The following ANKS1B variants were observed in gnomAD, a reference collection of about 807,000 sequenced individuals.
ANKS1B encodes the protein ankyrin repeat and sterile alpha motif domain-containing protein 1B.
A neutral mutation model predicts 148.3 loss-of-function variants in ANKS1B; 36 were observed. The observed-to-expected ratio is 0.24, with a 90% CI of 0.19 to 0.32. The LOEUF is 0.32. ANKS1B is among the 10% of genes least tolerant of loss of function. ANKS1B has a pLI of 1.00. For synonymous variants in ANKS1B, 542 were observed against 560.8 expected (o/e 0.97, Z 0.47); for missense variants, 1,157 against 1,542.6 (o/e 0.75, Z 4.19).
chr12:99,249,638 A>G (rs2074310636), intron 12 of ANKS1B, among the ~76,000 whole-genome samples: 1 of 152,226 alleles, frequency 6.6e-6, no homozygotes, highest in African/African-American at 2.4e-5. Flanking sequence ...AGCCTCCTGG[A>G]AAGCCTGTGT....
At chr12:99,782,638 T>C (rs188130455) in intron 4 of ANKS1B, among the ~76,000 whole-genome samples, 9 of 152,290 alleles carry the variant, frequency 5.9e-5, no homozygotes, top group African/African-American at 2.2e-4. Flanking sequence ...TCCTTAAGTA[T>C]AAAATAAGAG....
intron 1 of ANKS1B, among the ~76,000 whole-genome samples, chr12:99,967,394 C>T (rs2095497843): frequency 6.6e-6 from 1 of 152,152 alleles, no homozygotes; most frequent in African/African-American, 2.4e-5. Context: ...TGCATTCAAA[C>T]TCAAGACTCG....
intron 1 of ANKS1B, among the ~76,000 whole-genome samples, chr12:99,868,444 C>T (rs2091040543): frequency 6.6e-6 from 1 of 152,116 alleles, no homozygotes; most frequent in Non-Finnish European, 1.5e-5. Context: ...GCCACTAACA[C>T]CATTGTTCTT....
At chr12:99,364,346 C>T (rs1265440986) in intron 12 of ANKS1B, among the ~76,000 whole-genome samples, 1 of 152,094 alleles carries the variant, frequency 6.6e-6, no homozygotes, top group Non-Finnish European at 1.5e-5. Context: ...CTGATTACTG[C>T]CTATTTCTGT....
intron 12 of ANKS1B, among the ~76,000 whole-genome samples, chr12:99,389,596 T>C (rs1228458961): frequency 6.6e-6 from 1 of 152,116 alleles, no homozygotes; most frequent in African/African-American, 2.4e-5. Flanking sequence ...TTTCAAGAGA[T>C]ATAAACATCC....
chr12:99,916,948 T>C (rs2094190098), intron 1 of ANKS1B, among the ~76,000 whole-genome samples: 1 of 152,248 alleles, frequency 6.6e-6, no homozygotes, highest in African/African-American at 2.4e-5. Flanking sequence ...GTAATAACTG[T>C]AGTTTTATAT....
chr12:99,533,526 C>T (rs1426581560), intron 9 of ANKS1B, among the ~76,000 whole-genome samples: 2 of 152,116 alleles, frequency 1.3e-5, no homozygotes, highest in Admixed American at 6.6e-5. Context: ...GATGTTCTTT[C>T]TTTCTCTTGC....
At chr12:99,752,148 T>A (rs922435815) in intron 8 of ANKS1B, among the ~76,000 whole-genome samples, 1 of 152,018 alleles carries the variant, frequency 6.6e-6, no homozygotes, top group African/African-American at 2.4e-5. Context: ...GCCTTTCACC[T>A]CATATTCAAA....
intron 22 of ANKS1B, among the ~76,000 whole-genome samples, chr12:98,788,458 G>A (rs2098818076): frequency 6.6e-6 from 1 of 152,100 alleles, no homozygotes; most frequent in African/African-American, 2.4e-5. Context: ...GTTCTCATCT[G>A]TCATTAATGA....
chr12:98,912,856 C>T (rs909535394), intron 17 of ANKS1B, among the ~76,000 whole-genome samples: 1 of 152,160 alleles, frequency 6.6e-6, no homozygotes, highest in African/African-American at 2.4e-5. Context: ...CTTAATTTTT[C>T]CTTGTGACCT....
intron 17 of ANKS1B, among the ~76,000 whole-genome samples, chr12:99,011,596 A>G (rs538749015): frequency 6.6e-6 from 1 of 152,354 alleles, no homozygotes; most frequent in Non-Finnish European, 1.5e-5. Flanking sequence ...TCAATAGCCA[A>G]GAACATGCTA....
intron 10 of ANKS1B, among the ~76,000 whole-genome samples, chr12:99,457,689 T>C (rs938992877): frequency 1.1e-4 from 17 of 152,104 alleles, no homozygotes; most frequent in Non-Finnish European, 2.1e-4. Flanking sequence ...AAGAAGGACA[T>C]ACATAATGAT....
intron 17 of ANKS1B, among the ~76,000 whole-genome samples, chr12:99,031,863 G>T (rs1282091205): frequency 6.6e-6 from 1 of 152,206 alleles, no homozygotes; most frequent in Non-Finnish European, 1.5e-5. Context: ...TTGGTCACTT[G>T]AAGCTAAAAG....
intron 10 of ANKS1B, among the ~76,000 whole-genome samples, chr12:99,471,768 AT>A (rs2096246550): frequency 6.6e-6 from 1 of 152,136 alleles, no homozygotes; most frequent in Non-Finnish European, 1.5e-5. Context: ...ACTCTTCCAA[AT>A]ATACTTAAAA....
At chr12:99,003,804 C>T (rs1168411788) in intron 17 of ANKS1B, among the ~76,000 whole-genome samples, 1 of 152,160 alleles carries the variant, frequency 6.6e-6, no homozygotes, top group Non-Finnish European at 1.5e-5. Flanking sequence ...GGCACATATA[C>T]CACCAATTGG....
rs776810772 is a variant in ANKS1B at position 99,246,665 on chromosome 12, T to C, written c.1956A>G (p.Pro652=). ...ANSPLPFKQS[P]IENNSEPLVK... is the part of the protein sequence containing the mutation. Reference sequence around the variant, plus strand: ...CCAAAGGTTCTGAGTTATTTTCTATTGGAGACTGCTTGAAAGGCAAAGGAC... The same window carrying C: ...CCAAAGGTTCTGAGTTATTTTCTATCGGAGACTGCTTGAAAGGCAAAGGAC... Residue 652 remains proline, a synonymous_variant, in exon 13 of 27, where the codon CCA becomes CCG. Coordinates refer to ENST00000683438, the MANE Select transcript of ANKS1B (RefSeq NM_001352186.2). The C allele has an allele frequency of 2.8e-5, 45 of 1,613,922 alleles. No individual in the cohort carries two copies. The East Asian group carries it at 2.9e-4, about 10-fold the overall frequency.
intron 1 of ANKS1B, among the ~76,000 whole-genome samples, chr12:99,858,387 T>G (rs2089517949): frequency 6.6e-6 from 1 of 152,008 alleles, no homozygotes; most frequent in Admixed American, 6.6e-5. Context: ...GATGGTGGTG[T>G]GGATGTGGTA....
At chr12:99,975,584 C>T (rs1055293736) in intron 1 of ANKS1B, among the ~76,000 whole-genome samples, 2 of 152,156 alleles carry the variant, frequency 1.3e-5, no homozygotes, top group African/African-American at 4.8e-5. Flanking sequence ...TGATGCTGAG[C>T]ATTTTTTATG....
At chr12:98,845,114 A>C (rs563032773) in intron 17 of ANKS1B, among the ~76,000 whole-genome samples, 1 of 152,316 alleles carries the variant, frequency 6.6e-6, no homozygotes, top group South Asian at 2.1e-4. Flanking sequence ...GTATGGGTCT[A>C]ATGGGGAGGG....
Sources: allele counts gnomAD v4.1 joint callset (sites outside exome capture counted in the v4.1 genomes callset), GRCh38; gene constraint gnomAD v4.1.1; transcripts MANE v1.5; gene names NCBI Gene and HGNC (gene_info 2026-07-23, HGNC 2026-07-21).